Variants in PELI2 observed in about 807,000 individuals in gnomAD.
PELI2 encodes the protein E3 ubiquitin-protein ligase pellino homolog 2.
Under a neutral mutation model 42.3 loss-of-function variants are expected in PELI2, and 23 were observed. The observed-to-expected ratio is 0.54, with a 90% CI of 0.39 to 0.77. PELI2 has a LOEUF of 0.77. Ranked by LOEUF, PELI2 falls within the 30% of genes least tolerant of loss-of-function variation. The probability of loss-of-function intolerance (pLI) is 0.00; values close to 1 mark genes in which losing one functional copy is unlikely to be tolerated. For synonymous variants in PELI2, 245 were observed against 212.2 expected (o/e 1.15, Z -1.34); for missense variants, 463 against 553.2 (o/e 0.84, Z 1.64).
At chr14:56,205,741 T>C (rs1886495077) in intron 2 of PELI2, among the ~76,000 whole-genome samples, 1 of 152,174 alleles carries the variant, frequency 6.6e-6, no homozygotes, top group Non-Finnish European at 1.5e-5. Flanking sequence ...AAGGGGCTGC[T>C]GCAAGGACCT....
rs536806591 is a variant in PELI2, at chr14:56,200,874, G to C, written c.207+22410G>C. ...ATTGTTTGCCTCATAGATTTTGCCT[G>C]GTCTAATGGCCATTAGTGATCATTA... On this transcript the variant is annotated intron_variant, in intron 2 of 5. Coordinates refer to ENST00000267460, the MANE Select transcript of PELI2 (RefSeq NM_021255.3). Among the ~76,000 whole-genome samples, 157 of 152,206 alleles carry C rather than the reference G, an allele frequency of 1.0e-3. 3 individuals are homozygous for C. The highest frequency in any genetic ancestry group is 2.0e-3 in the Non-Finnish European group (134 of 68,014).
At chr14:56,172,126 G>T (rs1269519184) in intron 1 of PELI2, among the ~76,000 whole-genome samples, 1 of 152,240 alleles carries the variant, frequency 6.6e-6, no homozygotes, top group Admixed American at 6.5e-5. Context: ...CCCAAACTTA[G>T]TGGCTTAAAA....
chr14:56,269,355 A>C (rs1889019140), intron 2 of PELI2, among the ~76,000 whole-genome samples: 1 of 152,060 alleles, frequency 6.6e-6, no homozygotes, highest in Admixed American at 6.6e-5. Context: ...AGGCAGGAGA[A>C]TTGCTTGAGC....
chr14:56,221,565 G>T (rs1887133906), intron 2 of PELI2, among the ~76,000 whole-genome samples: 1 of 152,188 alleles, frequency 6.6e-6, no homozygotes, highest in African/African-American at 2.4e-5. Context: ...GACTGCCAAG[G>T]TAACTAGACT....
intron 2 of PELI2, among the ~76,000 whole-genome samples, chr14:56,194,069 A>G (rs1385749875): frequency 2.0e-5 from 3 of 152,120 alleles, no homozygotes; most frequent in Non-Finnish European, 1.5e-5. Context: ...CTTTTTTTAA[A>G]TCTAGTAATT....
At chr14:56,257,263 C>T (rs987869095) in intron 2 of PELI2, among the ~76,000 whole-genome samples, 1 of 151,952 alleles carries the variant, frequency 6.6e-6, no homozygotes, top group East Asian at 1.9e-4. Flanking sequence ...ATGATCCTAC[C>T]CCCTCAGAGC....
chr14:56,143,665 A>T (rs968376794), intron 1 of PELI2, among the ~76,000 whole-genome samples: 2 of 152,216 alleles, frequency 1.3e-5, no homozygotes, highest in Non-Finnish European at 2.9e-5. Flanking sequence ...ATTTTGTCCT[A>T]TGATTGTAAT....
At chr14:56,245,993 T>C (rs7140808) in intron 2 of PELI2, among the ~76,000 whole-genome samples, 138,029 of 152,216 alleles carry the variant, frequency 0.91, 62,860 homozygotes, top group Middle Eastern at 0.95. Flanking sequence ...ACCATGGACA[T>C]TGAAAGATGA....
intron 2 of PELI2, among the ~76,000 whole-genome samples, chr14:56,247,185 A>T (rs1888193743): frequency 6.6e-6 from 1 of 152,222 alleles, no homozygotes. Context: ...ATCAACATAC[A>T]CACACGGAAT....
intron 3 of PELI2, among the ~76,000 whole-genome samples, chr14:56,287,075 C>G (rs553525807): frequency 6.6e-6 from 1 of 152,294 alleles, no homozygotes; most frequent in Non-Finnish European, 1.5e-5. Flanking sequence ...AACATTCAAA[C>G]CAGCAGAGTG....
At chr14:56,245,880 G>A (rs1241629395) in intron 2 of PELI2, among the ~76,000 whole-genome samples, 1 of 152,120 alleles carries the variant, frequency 6.6e-6, no homozygotes, top group Non-Finnish European at 1.5e-5. Flanking sequence ...GTATATGGGA[G>A]GATGTATTAA....
chr14:56,285,637 C>T (rs1402487817), intron 3 of PELI2, among the ~76,000 whole-genome samples: 2 of 152,008 alleles, frequency 1.3e-5, no homozygotes, highest in African/African-American at 4.8e-5. Flanking sequence ...TCAGCATAAG[C>T]CCTGGATTTA....
Position 56,218,190 on chromosome 14 carries a change from A to G in PELI2, c.207+39726A>G, listed in dbSNP as rs1241102689. ...TGTCCCTTCCTTGGCCAGATTAGGT[A>G]GTTGTGATCTATCATTGTTTTCTGG... On this transcript the variant is annotated intron_variant, in intron 2 of 5. Transcript: ENST00000267460. 2.6e-5 allele frequency among the ~76,000 whole-genome samples: 4 copies of G among 152,228 alleles called. No individual in the cohort carries two copies. The East Asian group carries it at 7.7e-4, about 29-fold the overall frequency.
intron 2 of PELI2, among the ~76,000 whole-genome samples, chr14:56,194,049 C>T (rs1332480336): frequency 6.6e-6 from 1 of 152,186 alleles, no homozygotes; most frequent in African/African-American, 2.4e-5. Flanking sequence ...AAGTCTTTTA[C>T]AACGTTGTTC....
rs1013406083 is a variant in PELI2, at chr14:56,297,545, A to G, written c.*379A>G. On this transcript the variant is annotated 3_prime_UTR_variant, in exon 6 of 6. Coordinates refer to ENST00000267460, the MANE Select transcript of PELI2 (RefSeq NM_021255.3). ...GAAATTTATTCAAAAGTGTGGGCTC[A>G]TGAAGTTCACTTCAGTGCAGTGTGG... 8.9e-6 allele frequency: 2 copies of G among 225,272 alleles called. No individual in the cohort carries two copies. Among genetic ancestry groups the G allele is most frequent in the Non-Finnish European group, 1.8e-5 (2 of 113,248 alleles). The allele number at this position is 225,272 out of a possible 1,614,324, so 14.0% of individuals were successfully genotyped here. A position where few individuals can be genotyped will look rare whatever the true frequency, so the allele number is the denominator to read the frequency against.
At chr14:56,235,566 C>G (rs1238896789) in intron 2 of PELI2, among the ~76,000 whole-genome samples, 3 of 152,246 alleles carry the variant, frequency 2.0e-5, no homozygotes, top group Admixed American at 6.5e-5. Flanking sequence ...ACTGCCAGTG[C>G]TGCTGTGGTC....
intron 1 of PELI2, among the ~76,000 whole-genome samples, chr14:56,136,663 G>A (rs1211354782): frequency 6.6e-6 from 1 of 152,116 alleles, no homozygotes; most frequent in African/African-American, 2.4e-5. Flanking sequence ...TGAGTGTCAG[G>A]GGTTTTAATT....
At chr14:56,249,481 C>T (rs965222818) in intron 2 of PELI2, among the ~76,000 whole-genome samples, 2 of 152,188 alleles carry the variant, frequency 1.3e-5, no homozygotes, top group Non-Finnish European at 2.9e-5. Flanking sequence ...ACCACTTCCT[C>T]CTCCATTCAA....
Position 56,288,546 on chromosome 14 carries a change from C to T in PELI2, c.419C>T (p.Ala140Val). Residue 140 changes from alanine to valine, a missense_variant, in exon 4 of 6, where the codon GCC becomes GTC. Physicochemically the swap from Ala to Val is moderately conservative, Grantham distance 64. Around this residue, in one of 3 missense-constraint regions of PELI2, gnomAD observed 343 missense variants for 378.4 expected, o/e 0.91. Transcript: ENST00000267460. The surrounding 1 kb of genome is among the most constrained non-coding windows in gnomAD (Gnocchi z 4.6). ...ACACAGAGCACCATATCCAGGTTCG[C>T]CTGCAGGATCGTGTGCGACAGGAAT... The part of the protein sequence containing the change: ...QITQSTISRF[A>V]CRIVCDRNEP... 6.2e-7 allele frequency: 1 copy of T among 1,614,068 alleles called. No individual in the cohort carries two copies. The highest frequency in any genetic ancestry group is 8.5e-7 in the Non-Finnish European group (1 of 1,179,952).
Sources: allele counts gnomAD v4.1 joint callset (sites outside exome capture counted in the v4.1 genomes callset), GRCh38; gene constraint gnomAD v4.1.1; regional missense constraint gnomAD v4.1.1; non-coding constraint Gnocchi (gnomAD v3.1); transcripts MANE v1.5; gene names NCBI Gene and HGNC (gene_info 2026-07-23, HGNC 2026-07-21).